The following RELN variants were observed in gnomAD, a reference collection of about 807,000 sequenced individuals.
RELN encodes reelin.
RELN carries 108 observed loss-of-function variants against 427.6 expected under a neutral mutation model. The observed-to-expected ratio is 0.25, with a 90% CI of 0.22 to 0.30. RELN has a LOEUF of 0.30. Among genes scored for constraint, RELN ranks in the 10% least tolerant of loss-of-function variants. The pLI is 1.00. For missense variants in RELN, 3,715 were observed against 4,302.8 expected (o/e 0.86, Z 3.82); for synonymous variants, 1,524 against 1,513.4 (o/e 1.01, Z -0.16).
chr7:103,687,581 AT>A (rs1833789580), intron 10 of RELN, among the ~76,000 whole-genome samples: 1 of 152,156 alleles, frequency 6.6e-6, no homozygotes, highest in Non-Finnish European at 1.5e-5. Flanking sequence ...ATCTTCATTC[AT>A]TAACAAACCT....
rs564338835 is a variant in RELN, at chr7:103,552,849, G to GA, written c.6072+611dup. ...AAAGATGTCATCTTTTATTAGCTATGAAAAAAATATTCTGAAAAGTTAATA... is the reference window on the plus strand; with the variant it reads ...AAAGATGTCATCTTTTATTAGCTATGAAAAAAAATATTCTGAAAAGTTAATA... On this transcript the variant is annotated intron_variant, in intron 40 of 64. Coordinates refer to ENST00000428762, the MANE Select transcript of RELN (RefSeq NM_005045.4). 3.5e-3 allele frequency among the ~76,000 whole-genome samples: 529 copies of GA among 151,954 alleles called. 4 individuals carry two copies. The highest frequency in any genetic ancestry group is 0.02 in the South Asian group (97 of 4,818).
intron 63 of RELN, among the ~76,000 whole-genome samples, chr7:103,479,062 G>T (rs888735270): frequency 2.0e-5 from 3 of 152,106 alleles, no homozygotes; most frequent in Non-Finnish European, 2.9e-5. Context: ...ATTCACGAAG[G>T]CTTTTTACTG....
chr7:103,664,371 C>A (rs1377199294), intron 11 of RELN, among the ~76,000 whole-genome samples: 1 of 152,164 alleles, frequency 6.6e-6, no homozygotes, highest in African/African-American at 2.4e-5. Flanking sequence ...CCCCAAGGCA[C>A]CCATTATATT....
chr7:103,631,308 T>TTTTG (rs1262452698), intron 19 of RELN, among the ~76,000 whole-genome samples: 2 of 117,704 alleles, frequency 1.7e-5, no homozygotes, highest in African/African-American at 7.1e-5. Context: ...TTTTTTTTTT[T>TTTTG]TTTGAGATGG....
At chr7:103,704,468 G>A (rs1340227993) in intron 8 of RELN, among the ~76,000 whole-genome samples, 2 of 152,068 alleles carry the variant, frequency 1.3e-5, no homozygotes, top group Non-Finnish European at 2.9e-5. Flanking sequence ...CATCCTGCCA[G>A]TGTTTTCTGT....
chr7:103,859,375 C>T (rs970357191), intron 2 of RELN, among the ~76,000 whole-genome samples: 10 of 152,102 alleles, frequency 6.6e-5, no homozygotes, highest in Non-Finnish European at 1.2e-4. Context: ...CTCAGTGAAA[C>T]CTCCACCTCC....
At chr7:103,700,796 C>A in intron 9 of RELN, 114 bp downstream of exon 9, 1 of 746,882 alleles carries the variant, frequency 1.3e-6, no homozygotes, top group South Asian at 1.4e-5. Context: ...ACATAATTAA[C>A]AACCAGAGTC....
chr7:103,922,677 G>A (rs574765492), intron 1 of RELN, among the ~76,000 whole-genome samples: 106 of 152,176 alleles, frequency 7.0e-4, no homozygotes, highest in African/African-American at 2.3e-3. Context: ...ATCTATTATA[G>A]CTTCTATTAA....
intron 4 of RELN, among the ~76,000 whole-genome samples, chr7:103,764,728 C>A (rs541026469): frequency 6.7e-6 from 1 of 148,274 alleles, no homozygotes; most frequent in South Asian, 2.2e-4. Flanking sequence ...CCCAACTACT[C>A]GGGAGGCTGA....
At chr7:103,896,910 G>A (rs192262072) in intron 2 of RELN, among the ~76,000 whole-genome samples, 1 of 152,084 alleles carries the variant, frequency 6.6e-6, no homozygotes, top group Non-Finnish European at 1.5e-5. Flanking sequence ...ACCTGAGACT[G>A]CATAACTTTT....
intron 1 of RELN, among the ~76,000 whole-genome samples, chr7:103,931,443 G>T (rs184553698): frequency 6.6e-6 from 1 of 152,242 alleles, no homozygotes; most frequent in Admixed American, 6.5e-5. Context: ...TCTCAAAATA[G>T]TTGTGTACAC....
intron 3 of RELN, among the ~76,000 whole-genome samples, chr7:103,804,051 A>G (rs181261634): frequency 6.6e-6 from 1 of 152,110 alleles, no homozygotes; most frequent in Non-Finnish European, 1.5e-5. Flanking sequence ...CACCTTCAGT[A>G]CTGCTCAGAG....
intron 6 of RELN, among the ~76,000 whole-genome samples, chr7:103,729,683 T>C (rs1397962162): frequency 6.6e-6 from 1 of 152,178 alleles, no homozygotes; most frequent in Non-Finnish European, 1.5e-5. Flanking sequence ...CTCTTGTTCA[T>C]CATTTATGGC....
chr7:103,840,292 A>G (rs571983412), intron 2 of RELN, among the ~76,000 whole-genome samples: 41 of 152,344 alleles, frequency 2.7e-4, no homozygotes, highest in Admixed American at 2.5e-3. Flanking sequence ...AATGGCTCCT[A>G]TCGGAGTGTG....
chr7:103,621,053 A>G (rs1016412886), intron 20 of RELN, among the ~76,000 whole-genome samples: 7 of 152,244 alleles, frequency 4.6e-5, no homozygotes, highest in African/African-American at 1.7e-4. Flanking sequence ...AAACAGAGCC[A>G]TTTTAAGACT....
Position 103,640,808 on chromosome 7 carries a change from C to T in RELN, c.2003-199G>A, listed in dbSNP as rs1044751222. Among the ~76,000 whole-genome samples the T allele has an allele frequency of 1.1e-4, 17 of 152,140 alleles. No individual in the cohort carries two copies. The highest frequency in any genetic ancestry group is 3.4e-3 in the Middle Eastern group (1 of 294). ...AACAGTCACAAGTTATACAGATAAT[C>T]CTTTTAAGATTTTAACATTTCATAT... is the stretch of plus-strand genomic sequence containing the variant. On this transcript the variant is annotated intron_variant, in intron 16 of 64. Coordinates refer to ENST00000428762, the MANE Select transcript of RELN (RefSeq NM_005045.4). This position sits in a 1 kb window ranked among gnomAD's most constrained non-coding sequence, Gnocchi z 4.1.
intron 1 of RELN, among the ~76,000 whole-genome samples, chr7:103,960,681 G>T (rs959488400): frequency 6.6e-6 from 1 of 152,184 alleles, no homozygotes; most frequent in Non-Finnish European, 1.5e-5. Context: ...TTATATTAAA[G>T]ATACTTACAT....
intron 4 of RELN, among the ~76,000 whole-genome samples, chr7:103,765,077 T>C (rs1282665644): frequency 6.6e-6 from 1 of 152,106 alleles, no homozygotes; most frequent in Non-Finnish European, 1.5e-5. Flanking sequence ...CGACACACAC[T>C]GCTCTTTCAA....
chr7:103,910,869 T>C (rs1463105709), intron 2 of RELN, among the ~76,000 whole-genome samples: 22 of 131,382 alleles, frequency 1.7e-4, no homozygotes, highest in African/African-American at 6.7e-4. Flanking sequence ...GGATTAAAGA[T>C]TTAAACGTTA....
Sources: gnomAD v4.1 joint callset for allele counts (sites outside exome capture counted in the v4.1 genomes callset) on GRCh38, gnomAD v4.1.1 for gene constraint, Gnocchi (gnomAD v3.1) non-coding constraint, MANE v1.5 for transcripts, NCBI Gene and HGNC (gene_info 2026-07-23, HGNC 2026-07-21) for gene names.